THSD7B: variants seen among roughly 807,000 people sequenced by gnomAD.
The protein encoded by THSD7B is thrombospondin type-1 domain-containing protein 7B.
In THSD7B, 138 loss-of-function variants were observed where a neutral mutation model predicts 213.6. The ratio of observed to expected loss-of-function variants is 0.65; its 90% CI spans 0.56 to 0.74. The LOEUF (loss-of-function observed/expected upper bound fraction) is 0.74. THSD7B is among the 30% of genes least tolerant of loss of function. THSD7B has a pLI of 0.00. For missense variants in THSD7B, 1,931 were observed against 1,991.5 expected (o/e 0.97, Z 0.58); for synonymous variants, 742 against 687.0 (o/e 1.08, Z -1.25).
At chr2:137,474,207 C>A (rs918440060) in intron 15 of THSD7B, among the ~76,000 whole-genome samples, 5 of 152,192 alleles carry the variant, frequency 3.3e-5, no homozygotes, top group African/African-American at 1.2e-4. Context: ...AATTGCTCCT[C>A]AATTTTCTGA....
chr2:137,578,604 G>GTAT, intron 17 of THSD7B, among the ~76,000 whole-genome samples: 1 of 152,274 alleles, frequency 6.6e-6, no homozygotes, highest in East Asian at 1.9e-4. Flanking sequence ...CTGATCCACA[G>GTAT]GTAACATTAC....
Position 137,132,533 on chromosome 2 carries a change from G to T in THSD7B, c.1369+17240G>T, listed in dbSNP as rs117313338. On this transcript the variant is annotated intron_variant, in intron 5 of 27. Coordinates refer to ENST00000409968, the MANE Select transcript of THSD7B (RefSeq NM_001316349.2). ...ATATTAACTGTGCCCAGTATTAAGT[G>T]ACTGTCTTTTAGCTCTCTGCTAATC... is the stretch of plus-strand genomic sequence containing the variant. 9.2e-5 allele frequency among the ~76,000 whole-genome samples: 14 copies of T among 152,242 alleles called. No homozygotes were observed. In the East Asian group the frequency reaches 2.7e-3, roughly 29 times the overall value.
chr2:137,189,533 C>T (rs1173787406), intron 7 of THSD7B, among the ~76,000 whole-genome samples: 2 of 138,396 alleles, frequency 1.4e-5, no homozygotes, highest in Non-Finnish European at 3.4e-5. Flanking sequence ...CAAGTCTGCT[C>T]CATCCACAGG....
chr2:136,936,231 A>G (rs1684724777), intron 2 of THSD7B, among the ~76,000 whole-genome samples: 1 of 152,158 alleles, frequency 6.6e-6, no homozygotes, highest in Non-Finnish European at 1.5e-5. Flanking sequence ...GGGAATGTAA[A>G]CTAGCACAAC....
chr2:137,551,692 T>C (rs1291537793), intron 15 of THSD7B, among the ~76,000 whole-genome samples: 3 of 152,214 alleles, frequency 2.0e-5, no homozygotes, highest in African/African-American at 7.2e-5. Flanking sequence ...TGGTTCTTAA[T>C]ATCAAAATTG....
intron 14 of THSD7B, among the ~76,000 whole-genome samples, chr2:137,420,933 G>A (rs1686910350): frequency 6.6e-6 from 1 of 152,266 alleles, no homozygotes; most frequent in South Asian, 2.1e-4. Context: ...CCTTTCTAGA[G>A]TTGCATTCCT....
intron 2 of THSD7B, among the ~76,000 whole-genome samples, chr2:136,897,099 C>T (rs1199225717): frequency 6.6e-6 from 1 of 152,044 alleles, no homozygotes; most frequent in Non-Finnish European, 1.5e-5. Flanking sequence ...GTGTGCACCA[C>T]CCTGCCTGGC....
intron 12 of THSD7B, among the ~76,000 whole-genome samples, chr2:137,392,203 G>A (rs559824142): frequency 1.3e-5 from 2 of 152,302 alleles, no homozygotes; most frequent in African/African-American, 4.8e-5. Context: ...GTGCTGGTAA[G>A]AATGCATATT....
intron 20 of THSD7B, among the ~76,000 whole-genome samples, chr2:137,638,221 A>G (rs1682869086): frequency 6.6e-6 from 1 of 152,190 alleles, no homozygotes; most frequent in East Asian, 1.9e-4. Context: ...CTTGAATTGT[A>G]TCTCCCAGAA....
At chr2:137,158,875 A>C (rs1679957554) in intron 5 of THSD7B, among the ~76,000 whole-genome samples, 2 of 152,222 alleles carry the variant, frequency 1.3e-5, no homozygotes, top group Admixed American at 1.3e-4. Context: ...GACATATCAG[A>C]AATATTTAGA....
At chr2:136,804,659 T>C (rs1640373423) in intron 1 of THSD7B, among the ~76,000 whole-genome samples, 1 of 152,146 alleles carries the variant, frequency 6.6e-6, no homozygotes, top group South Asian at 2.1e-4. Flanking sequence ...GTATTGGTTG[T>C]TTTGAAGAGG....
chr2:137,066,927 C>G (rs544989731), intron 3 of THSD7B, among the ~76,000 whole-genome samples: 3 of 152,152 alleles, frequency 2.0e-5, no homozygotes, highest in East Asian at 3.9e-4. Context: ...TTGCTATTGA[C>G]ATTTCATCAA....
chr2:136,813,272 C>T lies in THSD7B; in HGVS notation c.-36+47585C>T, dbSNP rs1335736929. On this transcript the variant is annotated intron_variant, in intron 1 of 27. Transcript: ENST00000409968. Reference sequence around the variant, plus strand: ...CAGTCTTTCTTTTTTTATTATTATTCTTAATTAAAGCCATTTAACCTGACC... The same window carrying T: ...CAGTCTTTCTTTTTTTATTATTATTTTTAATTAAAGCCATTTAACCTGACC... 2.6e-5 allele frequency among the ~76,000 whole-genome samples: 4 copies of T among 151,818 alleles called. 1 individual carries two copies. The South Asian group carries it at 8.3e-4, about 32-fold the overall frequency.
At chr2:137,293,994 C>T (rs970258256) in intron 12 of THSD7B, among the ~76,000 whole-genome samples, 1 of 152,126 alleles carries the variant, frequency 6.6e-6, no homozygotes, top group Non-Finnish European at 1.5e-5. Context: ...CCTCCAGTAC[C>T]TAATTCACCT....
At chr2:137,407,668 C>T (rs761802883) in intron 13 of THSD7B, among the ~76,000 whole-genome samples, 1 of 152,108 alleles carries the variant, frequency 6.6e-6, no homozygotes, top group Non-Finnish European at 1.5e-5. Context: ...GATTCTTTCT[C>T]TCTTTAATGC....
rs866959932 is a variant in THSD7B, at chr2:137,272,663, G to T, written c.2396+1G>T. 2 of 1,610,052 alleles carry T rather than the reference G, an allele frequency of 1.2e-6. No homozygotes were observed. The highest frequency in any genetic ancestry group is 8.5e-7 in the Non-Finnish European group (1 of 1,178,044). On this transcript the variant is annotated splice_donor_variant, in intron 11 of 27. Transcript: ENST00000409968. LOFTEE classifies it high-confidence loss of function. ...ATGTTTCCTTGTGTCCTGTATATCG[G>T]CAAGTAGTTACCTTTTAAAATTATC...
chr2:137,221,057 T>A (rs546662139), intron 7 of THSD7B, among the ~76,000 whole-genome samples: 1 of 152,018 alleles, frequency 6.6e-6, no homozygotes, highest in Non-Finnish European at 1.5e-5. Context: ...TCCCAGCACT[T>A]TGGGAGTCCG....
At chr2:136,957,246 T>C (rs1009355039) in intron 2 of THSD7B, among the ~76,000 whole-genome samples, 15 of 152,110 alleles carry the variant, frequency 9.9e-5, no homozygotes, top group African/African-American at 3.6e-4. Context: ...CCACCAAGGA[T>C]TGATTCTGAG....
chr2:137,359,402 C>T (rs902602050), intron 12 of THSD7B, among the ~76,000 whole-genome samples: 2 of 152,062 alleles, frequency 1.3e-5, no homozygotes, highest in African/African-American at 2.4e-5. Flanking sequence ...AAACTAGGCA[C>T]AAAAGAGTCA....
Sources: gnomAD v4.1 joint callset for allele counts (sites outside exome capture counted in the v4.1 genomes callset) on GRCh38, gnomAD v4.1.1 for gene constraint, MANE v1.5 for transcripts, NCBI Gene and HGNC (gene_info 2026-07-23, HGNC 2026-07-21) for gene names.